MAP2K5: variants seen among roughly 807,000 people sequenced by gnomAD.
MAP2K5 encodes mitogen-activated protein kinase kinase 5, also known as dual specificity mitogen-activated protein kinase kinase 5.
A neutral mutation model predicts 83.1 loss-of-function variants in MAP2K5; 49 were observed. The observed-to-expected ratio is 0.59, with a 90% CI of 0.47 to 0.75. The LOEUF (loss-of-function observed/expected upper bound fraction) is 0.75, where lower values mean the gene tolerates loss of function less well. Among genes scored for constraint, MAP2K5 ranks in the 30% least tolerant of loss-of-function variants. The pLI, the probability that MAP2K5 is intolerant of heterozygous loss-of-function variation, is 0.00. For missense variants in MAP2K5, 457 were observed against 557.5 expected (o/e 0.82, Z 1.82); for synonymous variants, 202 against 191.8 (o/e 1.05, Z -0.44).
chr15:67,683,604 G>A (rs2087875637), intron 13 of MAP2K5, among the ~76,000 whole-genome samples: 1 of 151,904 alleles, frequency 6.6e-6, no homozygotes, highest in Non-Finnish European at 1.5e-5. Flanking sequence ...ACTACTAAAA[G>A]TACAAAAATT....
At chr15:67,581,980 A>G (rs1437080280) in intron 4 of MAP2K5, among the ~76,000 whole-genome samples, 1 of 152,158 alleles carries the variant, frequency 6.6e-6, no homozygotes, top group Non-Finnish European at 1.5e-5. Flanking sequence ...GTTGTACTTG[A>G]AGATTAAGCA....
chr15:67,564,065 T>G (rs950906314), intron 3 of MAP2K5, among the ~76,000 whole-genome samples: 1 of 152,218 alleles, frequency 6.6e-6, no homozygotes, highest in Non-Finnish European at 1.5e-5. Flanking sequence ...TTTTGTTTTG[T>G]TATATCTGAG....
chr15:67,745,653 A>T (rs931654748), intron 17 of MAP2K5, among the ~76,000 whole-genome samples: 1 of 152,262 alleles, frequency 6.6e-6, no homozygotes, highest in Non-Finnish European at 1.5e-5. Flanking sequence ...ACAGAGGAAC[A>T]TAATACAGCC....
At chr15:67,672,177 C>T (rs555825640) in intron 13 of MAP2K5, among the ~76,000 whole-genome samples, 4 of 151,030 alleles carry the variant, frequency 2.6e-5, no homozygotes, top group Non-Finnish European at 5.9e-5. Context: ...GGTATATACC[C>T]AGTAATGGGA....
At chr15:67,574,684 T>G (rs1377133125) in intron 3 of MAP2K5, among the ~76,000 whole-genome samples, 2 of 151,398 alleles carry the variant, frequency 1.3e-5, no homozygotes, top group Non-Finnish European at 2.9e-5. Context: ...CTGGCCAACA[T>G]GGGGAAACCC....
chr15:67,663,643 C>T (rs1342196118), intron 12 of MAP2K5, among the ~76,000 whole-genome samples: 2 of 152,222 alleles, frequency 1.3e-5, no homozygotes, highest in East Asian at 3.9e-4. Flanking sequence ...GAGGCCGAGG[C>T]AGGAGGATCC....
Position 67,630,867 on chromosome 15 carries a change from T to C in MAP2K5, c.546-21T>C, listed in dbSNP as rs183134070. 1.8e-4 allele frequency: 284 copies of C among 1,596,566 alleles called. 1 individual carries two copies. In the African/African-American group the frequency reaches 3.4e-3, roughly 19 times the overall value. On this transcript the variant is annotated intron_variant, in intron 8 of 21. Coordinates refer to ENST00000178640, the MANE Select transcript of MAP2K5 (RefSeq NM_145160.3). ...GTTGTTTAGTGATCCCAAATGATTT[T>C]GTTTTTTTTTCTTCCCATAGAGCAT...
At chr15:67,634,878 G>A (rs2141097038) in intron 9 of MAP2K5, among the ~76,000 whole-genome samples, 1 of 152,200 alleles carries the variant, frequency 6.6e-6, no homozygotes, top group South Asian at 2.1e-4. Context: ...TGCTTTTTAA[G>A]TGAGAGTATT....
At position 67,736,747 on chromosome 15, in the gene MAP2K5, A is replaced by G. The variant is rs1447230458; in HGVS notation, c.1074+8802A>G. ...TTTAGCCCCCAGAAATAGAATTGAA[A>G]GTTAATGAACTTGGTGTTCAGTCTG... On this transcript the variant is annotated intron_variant, in intron 17 of 21. Coordinates refer to ENST00000178640, the MANE Select transcript of MAP2K5 (RefSeq NM_145160.3). The surrounding 1 kb of genome is among the most constrained non-coding windows in gnomAD (Gnocchi z 4.3). Among the ~76,000 whole-genome samples the G allele has an allele frequency of 1.3e-5, 2 of 152,212 alleles. No individual in the cohort carries two copies. The highest frequency in any genetic ancestry group is 2.4e-5 in the African/African-American group (1 of 41,444).
intron 13 of MAP2K5, among the ~76,000 whole-genome samples, chr15:67,673,963 C>T (rs1453417452): frequency 6.6e-6 from 1 of 152,030 alleles, no homozygotes; most frequent in Non-Finnish European, 1.5e-5. Flanking sequence ...ATTCTCCTGC[C>T]CCAGCCTTCC....
intron 13 of MAP2K5, among the ~76,000 whole-genome samples, chr15:67,681,191 G>C (rs2087807581): frequency 1.3e-5 from 2 of 152,306 alleles, no homozygotes; most frequent in Middle Eastern, 3.4e-3. Flanking sequence ...CAGATATCAA[G>C]ATATCAGATA....
intron 6 of MAP2K5, among the ~76,000 whole-genome samples, chr15:67,592,583 G>A (rs2085437667): frequency 6.6e-6 from 1 of 152,168 alleles, no homozygotes; most frequent in Non-Finnish European, 1.5e-5. Context: ...TTAGTGCTTA[G>A]CAGATGACAT....
At chr15:67,789,886 T>A (rs2090485734) in intron 21 of MAP2K5, among the ~76,000 whole-genome samples, 1 of 152,140 alleles carries the variant, frequency 6.6e-6, no homozygotes, top group Admixed American at 6.5e-5. Flanking sequence ...GATTTTTCCA[T>A]CTAGACAGTG....
At position 67,720,535 on chromosome 15, in the gene MAP2K5, T is replaced by C. The variant is rs191412092; in HGVS notation, c.1045-7381T>C. On this transcript the variant is annotated intron_variant, in intron 16 of 21. Coordinates refer to ENST00000178640, the MANE Select transcript of MAP2K5 (RefSeq NM_145160.3). This position sits in a 1 kb window ranked among gnomAD's most constrained non-coding sequence, Gnocchi z 5.7. The stretch of plus-strand genomic sequence containing the variant: ...ACTTTTTATCATCTTTACCCAGCCA[T>C]CAGAATGAAGAAAGACAGTGTCCAG... Among the ~76,000 whole-genome samples, 54 of 152,124 alleles carry C rather than the reference T, an allele frequency of 3.5e-4. No individual in the cohort carries two copies. The highest frequency in any genetic ancestry group is 1.3e-3 in the African/African-American group (52 of 41,488).
chr15:67,646,431 T>C lies in MAP2K5; in HGVS notation c.698T>C (p.Val233Ala), dbSNP rs763833942. 4 of 1,602,030 alleles carry C rather than the reference T, an allele frequency of 2.5e-6. No homozygotes were observed. The East Asian group carries it at 9.0e-5, about 36-fold the overall frequency. Residue 233 changes from valine (V) to alanine (A), a missense_variant, in exon 11 of 22, where the codon GTA (valine) becomes GCA (alanine). Physicochemically the swap from Val to Ala is moderately conservative, Grantham distance 64. Around this residue, in one of 3 missense-constraint regions of MAP2K5, gnomAD observed 168 missense variants for 263.0 expected, o/e 0.64. Transcript: ENST00000178640. ...YIIGFYGAFF[V>A]ENRISICTEF... ...ATTGGATTTTATGGAGCATTTTTTG[T>C]AGAAAACAGGATTTCAATATGTACA...
Position 67,727,933 on chromosome 15 carries a change from TC to T in MAP2K5, c.1064del (p.Pro355HisfsTer12). Reference protein sequence around the residue: ...SFMELALGRFPYPQIQKNQGS... With the variant: ...SFMELALGRFXYPQIQKNQGS... ...TTTCCCAGCTTGCTCTTGGGAGGTT[TC>T]CATATCCTCAGGTAAGATTGTTCAT... On this transcript the variant is annotated frameshift_variant, in exon 17 of 22. Coordinates refer to ENST00000178640, the MANE Select transcript of MAP2K5 (RefSeq NM_145160.3). LOFTEE classifies it high-confidence loss of function. The T allele has an allele frequency of 6.2e-7, 1 of 1,612,484 alleles. No individual in the cohort carries two copies. Among genetic ancestry groups the T allele is most frequent in the Non-Finnish European group, 8.5e-7 (1 of 1,178,494 alleles).
intron 9 of MAP2K5, chr15:67,642,418 A>G: frequency 6.2e-7 from 1 of 1,607,646 alleles, no homozygotes; most frequent in East Asian, 2.2e-5. Context: ...TGTTTTTAGG[A>G]GATGAGGGAT....
At chr15:67,741,645 G>A (rs1173929212) in intron 17 of MAP2K5, among the ~76,000 whole-genome samples, 3 of 152,226 alleles carry the variant, frequency 2.0e-5, no homozygotes. Flanking sequence ...GAACACACGG[G>A]CTTCTTGGGG....
chr15:67,796,950 G>A (rs2090615537), intron 21 of MAP2K5, among the ~76,000 whole-genome samples: 1 of 152,164 alleles, frequency 6.6e-6, no homozygotes, highest in Non-Finnish European at 1.5e-5. Context: ...CTAGGAACCG[G>A]CACACATTGT....
Sources: gnomAD v4.1 joint callset for allele counts (sites outside exome capture counted in the v4.1 genomes callset) on GRCh38, gnomAD v4.1.1 for gene constraint, gnomAD v4.1.1 regional missense constraint, Gnocchi (gnomAD v3.1) non-coding constraint, MANE v1.5 for transcripts, NCBI Gene and HGNC (gene_info 2026-07-23, HGNC 2026-07-21) for gene names.